PYGB: variants seen among roughly 807,000 people sequenced by gnomAD.
PYGB encodes the protein glycogen phosphorylase, brain form.
PYGB carries 82 observed loss-of-function variants against 94.3 expected under a neutral mutation model. The observed-to-expected ratio is 0.87, with a 90% CI of 0.73 to 1.04. PYGB has a LOEUF of 1.04. Among genes scored for constraint, PYGB ranks in the 50% least tolerant of loss-of-function variants. The pLI, the probability that PYGB is intolerant of heterozygous loss-of-function variation, is 0.00. For missense variants in PYGB, 1,132 were observed against 1,158.2 expected (o/e 0.98, Z 0.33); for synonymous variants, 488 against 479.1 (o/e 1.02, Z -0.24).
In PYGB at chr20:25,292,997, G is replaced by C. The variant is rs187109631; in HGVS notation, c.2177+384G>C. Among the ~76,000 whole-genome samples the C allele has an allele frequency of 1.0e-3, 153 of 152,282 alleles. 1 individual carries two copies. Among genetic ancestry groups the C allele is most frequent in the Middle Eastern group, 6.8e-3 (2 of 294 alleles). ...GGGCTGGGCAGGACCCCACTGCCAG[G>C]GGCGCTCTGCCGGGAGCACTCTGCT... On this transcript the variant is annotated intron_variant, in intron 17 of 19. Transcript: ENST00000216962.
At chr20:25,259,141 G>A (rs1055026933) in intron 1 of PYGB, 96 bp from the exon 2 acceptor site, 133 of 1,100,628 alleles carry the variant, frequency 1.2e-4, no homozygotes, top group East Asian at 3.6e-4. Context: ...ATGAAATCCC[G>A]AGTGGGGGCT....
Position 25,281,058 on chromosome 20 carries a change from C to A in PYGB, c.1349C>A (p.Ser450Tyr), listed in dbSNP as rs867422126. 1.2e-6 allele frequency: 2 copies of A among 1,614,198 alleles called. No individual in the cohort carries two copies. The highest frequency in any genetic ancestry group is 1.7e-6 in the Non-Finnish European group (2 of 1,180,034). ...INMAHLCVIG[S>Y]HAVNGVARIH... ...ATGGCCCACCTGTGTGTGATTGGGT[C>A]CCATGCTGTCAATGGTGTGGCGAGG... The change falls in exon 11 of 20, where the codon TCC (serine) becomes TAC (tyrosine). Residue 450 changes from serine (S) to tyrosine (Y), a missense_variant. Coordinates refer to ENST00000216962, the MANE Select transcript of PYGB (RefSeq NM_002862.4).
At chr20:25,249,526 A>T (rs1047443450) in intron 1 of PYGB, among the ~76,000 whole-genome samples, 1 of 152,256 alleles carries the variant, frequency 6.6e-6, no homozygotes, top group African/African-American at 2.4e-5. Context: ...CTAGGCAGTG[A>T]GCACTTGCTT....
Position 25,284,293 on chromosome 20 carries a change from A to G in PYGB, c.1768+42A>G, listed in dbSNP as rs117708078. On this transcript the variant is annotated intron_variant, in intron 14 of 19. Coordinates refer to ENST00000216962, the MANE Select transcript of PYGB (RefSeq NM_002862.4). ...CCTGCATGACCGCGCTGTGGGGCCC[A>G]AGGCTTGCCCTTGCCCGCCAGCTGT... 1.8e-4 allele frequency: 281 copies of G among 1,593,896 alleles called. 2 individuals carry two copies. In the East Asian group the frequency reaches 6.0e-3, roughly 34 times the overall value.
At chr20:25,253,632 T>TAAAATAAAATAAAAC (rs2092894655) in intron 1 of PYGB, among the ~76,000 whole-genome samples, 1 of 98,430 alleles carries the variant, frequency 1.0e-5, no homozygotes, top group African/African-American at 3.0e-5. Context: ...CTAAATAAAA[T>TAAAATAAAATAAAAC]AAAATAAAAT....
chr20:25,263,407 G>A (rs1230792373), intron 2 of PYGB, among the ~76,000 whole-genome samples: 1 of 152,118 alleles, frequency 6.6e-6, no homozygotes, highest in Non-Finnish European at 1.5e-5. Context: ...TCAAAAGCTA[G>A]CAGAAGGCAA....
chr20:25,248,356 G>A lies in PYGB; in HGVS notation c.178G>A (p.Val60Met). 2.5e-6 allele frequency: 4 copies of A among 1,599,116 alleles called. No homozygotes were observed. Among genetic ancestry groups the A allele is most frequent in the Non-Finnish European group, 3.4e-6 (4 of 1,173,890 alleles). Residue 60 changes from valine (V) to methionine (M), a missense_variant, in exon 1 of 20, where the codon GTG becomes ATG. Coordinates refer to ENST00000216962, the MANE Select transcript of PYGB (RefSeq NM_002862.4). The stretch of plus-strand genomic sequence containing the variant: ...CTACTTCTTCGCGCTGGCGCACACG[G>A]TGCGCGACCACCTCGTGGGCCGCTG... ...RDYFFALAHT[V>M]RDHLVGRWIR... is the part of the protein sequence containing the mutation.
At chr20:25,257,426 C>T (rs1266716073) in intron 1 of PYGB, among the ~76,000 whole-genome samples, 1 of 152,216 alleles carries the variant, frequency 6.6e-6, no homozygotes, top group East Asian at 1.9e-4. Context: ...CCCTTACAAA[C>T]AGAGATAATC....
chr20:25,257,566 C>T (rs555200613), intron 1 of PYGB, among the ~76,000 whole-genome samples: 19 of 152,184 alleles, frequency 1.2e-4, no homozygotes, highest in Non-Finnish European at 2.6e-4. Flanking sequence ...TGGTGGCATG[C>T]ACCTGTAGTG....
intron 2 of PYGB, among the ~76,000 whole-genome samples, chr20:25,262,348 C>T (rs1399161438): frequency 3.3e-5 from 5 of 152,198 alleles, no homozygotes; most frequent in South Asian, 4.1e-4. Flanking sequence ...AAAGAATTTT[C>T]AACCCAGAAT....
At chr20:25,260,414 A>C (rs1460274740) in intron 2 of PYGB, among the ~76,000 whole-genome samples, 1 of 152,228 alleles carries the variant, frequency 6.6e-6, no homozygotes, top group East Asian at 1.9e-4. Context: ...TATGTTTCTA[A>C]TTTTTATTCA....
chr20:25,278,964 TG>T, intron 8 of PYGB, 92 bp from the exon 9 acceptor site: 1 of 1,264,302 alleles, frequency 7.9e-7, no homozygotes, highest in Non-Finnish European at 1.1e-6. Flanking sequence ...TGGGCTGGGC[TG>T]GCTCCTTCAC....
chr20:25,294,905 A>G, intron 18 of PYGB: 1 of 1,556,692 alleles, frequency 6.4e-7, no homozygotes, highest in Non-Finnish European at 8.7e-7. Context: ...CTCCACTTTC[A>G]GCTGCCTTTG....
chr20:25,290,297 G>A (rs966745284), intron 15 of PYGB, among the ~76,000 whole-genome samples, 184 bp from the exon 16 acceptor site: 5 of 152,220 alleles, frequency 3.3e-5, no homozygotes, highest in Non-Finnish European at 5.9e-5. Flanking sequence ...GGCCACCATC[G>A]TGAGTGCGCA....
At chr20:25,255,024 G>A (rs1051019602) in intron 1 of PYGB, among the ~76,000 whole-genome samples, 2 of 152,212 alleles carry the variant, frequency 1.3e-5, no homozygotes, top group Non-Finnish European at 2.9e-5. Context: ...CACGATCCAC[G>A]TTGAGAAGCC....
intron 1 of PYGB, chr20:25,250,954 T>C (rs548409288): frequency 9.8e-5 from 15 of 152,374 alleles, no homozygotes; most frequent in African/African-American, 3.6e-4. Context: ...ACATTGTTTT[T>C]TCCGTATTGG....
At position 25,292,616 on chromosome 20, in the gene PYGB, G is replaced by A. The variant is rs2088479584; in HGVS notation, c.2177+3G>A. 3.7e-6 allele frequency: 6 copies of A among 1,609,210 alleles called. No individual in the cohort carries two copies. Among genetic ancestry groups the A allele is most frequent in the South Asian group, 1.1e-5 (1 of 91,032 alleles). On this transcript the variant is annotated splice_donor_region_variant and intron_variant, in intron 17 of 19. Coordinates refer to ENST00000216962, the MANE Select transcript of PYGB (RefSeq NM_002862.4). Reference sequence around the variant, plus strand: ...GTCGAGGCCTTGGACCGGAAAGGGTGCGAGCCTGTGCCCCTGGGCACCTGG... The same window carrying A: ...GTCGAGGCCTTGGACCGGAAAGGGTACGAGCCTGTGCCCCTGGGCACCTGG...
At chr20:25,275,903 G>A (rs575865358) in intron 5 of PYGB, among the ~76,000 whole-genome samples, 1 of 152,356 alleles carries the variant, frequency 6.6e-6, no homozygotes, top group African/African-American at 2.4e-5. Context: ...TGCGCCGCCT[G>A]TGTGGCTGTC....
chr20:25,254,584 CAT>C (rs1268330400), intron 1 of PYGB, among the ~76,000 whole-genome samples: 5 of 152,152 alleles, frequency 3.3e-5, no homozygotes, highest in Non-Finnish European at 7.3e-5. Flanking sequence ...GTAGGAATGA[CAT>C]GTAATTTTAG....
Sources: allele counts gnomAD v4.1 joint callset (sites outside exome capture counted in the v4.1 genomes callset), GRCh38; gene constraint gnomAD v4.1.1; transcripts MANE v1.5; gene names NCBI Gene and HGNC (gene_info 2026-07-23, HGNC 2026-07-21).